Variants in ACOXL observed in about 807,000 individuals in gnomAD.
ACOXL encodes acyl-CoA oxidase like.
Under a neutral mutation model 71.9 loss-of-function variants are expected in ACOXL, and 70 were observed. That is an observed-to-expected ratio of 0.97 (90% CI 0.80 to 1.19). ACOXL has a LOEUF of 1.19. Among genes scored for constraint, ACOXL ranks in the 50% most tolerant of loss-of-function variants. The pLI is 0.00. For missense variants in ACOXL, 703 were observed against 736.3 expected (o/e 0.95, Z 0.52); for synonymous variants, 253 against 281.6 (o/e 0.90, Z 1.02).
intron 12 of ACOXL, among the ~76,000 whole-genome samples, chr2:110,944,716 T>A (rs2061030054): frequency 6.6e-6 from 1 of 152,240 alleles, no homozygotes; most frequent in African/African-American, 2.4e-5. Flanking sequence ...ATGGTGTATA[T>A]GTACCACATT....
chr2:110,798,780 G>A, intron 6 of ACOXL, 56 bp downstream of exon 6: 2 of 1,511,692 alleles, frequency 1.3e-6, no homozygotes, highest in Non-Finnish European at 9.2e-7. Flanking sequence ...CTATTTACCA[G>A]TGAAAAACCA....
At chr2:111,107,338 C>T (rs13388646) in intron 17 of ACOXL, among the ~76,000 whole-genome samples, 14,371 of 152,232 alleles carry the variant, frequency 0.094, 869 homozygotes, top group East Asian at 0.26. Flanking sequence ...CTCTTCACCT[C>T]TCAGAATCTT....
chr2:110,784,588 T>C (rs921615736), intron 2 of ACOXL, 144 bp from the exon 3 acceptor site: 46 of 559,742 alleles, frequency 8.2e-5, no homozygotes, highest in Non-Finnish European at 9.1e-6. Flanking sequence ...AGTAGAATGA[T>C]GGAATTGTTT....
At chr2:110,964,870 G>A (rs996921792) in intron 12 of ACOXL, among the ~76,000 whole-genome samples, 2 of 152,092 alleles carry the variant, frequency 1.3e-5, no homozygotes, top group African/African-American at 2.4e-5. Flanking sequence ...GCAATATATT[G>A]TTGTTAACTA....
In ACOXL at chr2:110,995,892, G is replaced by A. The variant is rs1405815830; in HGVS notation, c.1170-1G>A. ...TGATGGTCACCGTGATTTTCTTTCA[G>A]TTTCCTGGCATTTAACATGGACACA... On this transcript the variant is annotated splice_acceptor_variant, in intron 13 of 17. Transcript: ENST00000439055. LOFTEE classifies it high-confidence loss of function. The A allele has an allele frequency of 1.9e-6, 3 of 1,612,754 alleles. No individual in the cohort carries two copies. Among genetic ancestry groups the A allele is most frequent in the African/African-American group, 2.7e-5 (2 of 74,852 alleles).
intron 12 of ACOXL, among the ~76,000 whole-genome samples, chr2:110,936,567 A>C (rs937076604): frequency 1.3e-5 from 2 of 152,112 alleles, no homozygotes; most frequent in African/African-American, 4.8e-5. Flanking sequence ...TGGTCTACCC[A>C]CACTTTTGCC....
chr2:110,949,855 G>T (rs1041219370), intron 12 of ACOXL, among the ~76,000 whole-genome samples: 3 of 152,138 alleles, frequency 2.0e-5, no homozygotes, highest in African/African-American at 7.2e-5. Context: ...AGAGGCAAAG[G>T]TTCTACAGGC....
At chr2:110,742,527 C>T (rs1314605947) in intron 1 of ACOXL, among the ~76,000 whole-genome samples, 2 of 152,144 alleles carry the variant, frequency 1.3e-5, no homozygotes, top group African/African-American at 4.8e-5. Context: ...ATCCTGATGC[C>T]ATTGGGTGGC....
At chr2:110,796,002 G>A (rs1294432349) in intron 5 of ACOXL, 1 of 151,936 alleles carries the variant, frequency 6.6e-6, no homozygotes, top group Non-Finnish European at 1.5e-5. Flanking sequence ...GGTGAACACT[G>A]TCTCCCGTGG....
chr2:110,991,502 T>A (rs2063172416), intron 13 of ACOXL, among the ~76,000 whole-genome samples: 1 of 152,202 alleles, frequency 6.6e-6, no homozygotes, highest in African/African-American at 2.4e-5. Context: ...AATTATTATT[T>A]TTTTGAATGA....
rs150374405 is a variant in ACOXL at position 110,882,088 on chromosome 2, G to A, written c.789-26701G>A. ...TGTACCATGTTACTTTCCCGACAGCGGCGTATGAGAGTTCCAGTTGCTCCA... is the reference window on the plus strand; with the variant it reads ...TGTACCATGTTACTTTCCCGACAGCAGCGTATGAGAGTTCCAGTTGCTCCA... On this transcript the variant is annotated intron_variant, in intron 10 of 17. Coordinates refer to ENST00000439055, the MANE Select transcript of ACOXL (RefSeq NM_001142807.4). 3.0e-3 allele frequency among the ~76,000 whole-genome samples: 460 copies of A among 152,244 alleles called. 1 individual carries two copies. The highest frequency in any genetic ancestry group is 3.7e-3 in the East Asian group (19 of 5,182).
intron 10 of ACOXL, among the ~76,000 whole-genome samples, chr2:110,852,999 C>T (rs1692800072): frequency 6.6e-6 from 1 of 152,208 alleles, no homozygotes; most frequent in South Asian, 2.1e-4. Flanking sequence ...CACATGTCAG[C>T]AGCCGTGGGT....
At chr2:111,013,048 A>C (rs2064241940) in intron 14 of ACOXL, among the ~76,000 whole-genome samples, 1 of 152,194 alleles carries the variant, frequency 6.6e-6, no homozygotes, top group South Asian at 2.1e-4. Context: ...AGCAAGACTG[A>C]TCAGGAAAAA....
chr2:110,786,385 G>A (rs1015418339), intron 3 of ACOXL, among the ~76,000 whole-genome samples: 1 of 152,210 alleles, frequency 6.6e-6, no homozygotes, highest in Non-Finnish European at 1.5e-5. Context: ...ATTTTTCCAG[G>A]AAGACTGGGC....
At chr2:110,831,483 T>TA (rs1689817260) in intron 9 of ACOXL, among the ~76,000 whole-genome samples, 1 of 152,162 alleles carries the variant, frequency 6.6e-6, no homozygotes, top group Admixed American at 6.5e-5. Flanking sequence ...ACGTACCATG[T>TA]TTATACATTG....
rs1216390317 is a variant in ACOXL at position 110,793,795 on chromosome 2, T to C, written c.246+59T>C. Reference sequence around the variant, plus strand: ...GAGAGCCTTAAAAATCTGTAGTAGATAGATATGCATGTGTGTATGTGTTTG... The same window carrying C: ...GAGAGCCTTAAAAATCTGTAGTAGACAGATATGCATGTGTGTATGTGTTTG... On this transcript the variant is annotated intron_variant, in intron 4 of 17. Transcript: ENST00000439055. 3.3e-5 allele frequency: 42 copies of C among 1,282,750 alleles called. 1 individual carries two copies. The highest frequency in any genetic ancestry group is 1.5e-5 in the African/African-American group (1 of 68,056). 79.5% of individuals were successfully genotyped at this position (1,282,750 alleles called of 1,614,324 possible).
intron 2 of ACOXL, among the ~76,000 whole-genome samples, chr2:110,772,734 G>A (rs1216550181): frequency 6.6e-6 from 1 of 152,198 alleles, no homozygotes; most frequent in Non-Finnish European, 1.5e-5. Flanking sequence ...GGTTCTCAAA[G>A]TAAGGCCCGA....
In ACOXL at chr2:110,982,599, C is replaced by T. The variant is rs549472862; in HGVS notation, c.1060-4509C>T. On this transcript the variant is annotated intron_variant, in intron 12 of 17. Transcript: ENST00000439055. ...ATCAAGACCATCCCCTTAGTCTTTT[C>T]TTCATTCTCATACCCATGGGTGACC... is the stretch of plus-strand genomic sequence containing the variant. Among the ~76,000 whole-genome samples, 4 of 152,306 alleles carry T rather than the reference C, an allele frequency of 2.6e-5. No homozygotes were observed. In the South Asian group the frequency reaches 8.3e-4, roughly 32 times the overall value.
intron 9 of ACOXL, among the ~76,000 whole-genome samples, chr2:110,812,445 T>C (rs971522841): frequency 6.6e-6 from 1 of 152,182 alleles, no homozygotes; most frequent in Non-Finnish European, 1.5e-5. Flanking sequence ...AGTTACCTTT[T>C]CTGCTCCTCT....
Sources: gnomAD v4.1 joint callset for allele counts (sites outside exome capture counted in the v4.1 genomes callset) on GRCh38, gnomAD v4.1.1 for gene constraint, MANE v1.5 for transcripts, NCBI Gene and HGNC (gene_info 2026-07-23, HGNC 2026-07-21) for gene names.